The following KCNH1 variants were observed in gnomAD, a reference collection of about 807,000 sequenced individuals.
The protein encoded by KCNH1 is voltage-gated delayed rectifier potassium channel KCNH1.
A neutral mutation model predicts 69.2 loss-of-function variants in KCNH1; 27 were observed. The observed-to-expected ratio is 0.39, with a 90% CI of 0.29 to 0.54. KCNH1 has a LOEUF of 0.54. KCNH1 is among the 20% of genes least tolerant of loss of function. The pLI is 0.68. For synonymous variants in KCNH1, 456 were observed against 487.7 expected (o/e 0.93, Z 0.86); for missense variants, 798 against 1,261.6 (o/e 0.63, Z 5.57).
At chr1:211,095,944 C>A (rs1271586722) in intron 3 of KCNH1, among the ~76,000 whole-genome samples, 2 of 152,166 alleles carry the variant, frequency 1.3e-5, no homozygotes, top group African/African-American at 4.8e-5. Context: ...AGTTTAACTT[C>A]TCTCACCATC....
chr1:210,728,484 A>G (rs986785214), intron 10 of KCNH1, among the ~76,000 whole-genome samples: 1 of 152,174 alleles, frequency 6.6e-6, no homozygotes, highest in African/African-American at 2.4e-5. Context: ...ATTACCAAAC[A>G]TGACTTAGAA....
chr1:210,825,032 C>G (rs1171728353), intron 7 of KCNH1, among the ~76,000 whole-genome samples: 1 of 152,142 alleles, frequency 6.6e-6, no homozygotes, highest in Non-Finnish European at 1.5e-5. Context: ...AACAGTTTTT[C>G]ATCACTCTAA....
chr1:211,113,189 T>C (rs1033005874), intron 1 of KCNH1, among the ~76,000 whole-genome samples: 77 of 152,334 alleles, frequency 5.1e-4, no homozygotes, highest in African/African-American at 1.6e-3. Context: ...CCTGAGTCTC[T>C]GAGGATGCAC....
intron 6 of KCNH1, among the ~76,000 whole-genome samples, chr1:211,002,872 A>C (rs1367511070): frequency 6.6e-6 from 1 of 152,186 alleles, no homozygotes; most frequent in East Asian, 1.9e-4. Flanking sequence ...ATTCCGGAGC[A>C]AAGAGAATGT....
chr1:211,133,720 G>C lies in KCNH1; in HGVS notation c.79+147C>G. 1.6e-6 allele frequency: 1 copy of C among 632,248 alleles called. No homozygotes were observed. Among genetic ancestry groups the C allele is most frequent in the Non-Finnish European group, 2.8e-6 (1 of 354,582 alleles). 39.2% of individuals were successfully genotyped at this position (632,248 alleles called of 1,614,324 possible). On this transcript the variant is annotated intron_variant, in intron 1 of 10. Coordinates refer to ENST00000271751, the MANE Select transcript of KCNH1 (RefSeq NM_172362.3). This position sits in a 1 kb window ranked among gnomAD's most constrained non-coding sequence, Gnocchi z 5.4. Reference sequence around the variant, plus strand: ...CGCCCTGCCCACCTTTCTCTGCCTCGGGGAGGCTGCCCTGGGTGCCCGCGC... The same window carrying C: ...CGCCCTGCCCACCTTTCTCTGCCTCCGGGAGGCTGCCCTGGGTGCCCGCGC...
chr1:210,996,722 G>A (rs1200203967), intron 6 of KCNH1, among the ~76,000 whole-genome samples: 1 of 152,216 alleles, frequency 6.6e-6, no homozygotes, highest in East Asian at 1.9e-4. Context: ...AGCCTAACTG[G>A]GAGGCACCCC....
intron 3 of KCNH1, among the ~76,000 whole-genome samples, chr1:211,091,417 T>C (rs1313807742): frequency 6.6e-6 from 1 of 152,072 alleles, no homozygotes; most frequent in Non-Finnish European, 1.5e-5. Flanking sequence ...TCCACCCACC[T>C]TGGCCTCCCA....
intron 10 of KCNH1, among the ~76,000 whole-genome samples, chr1:210,718,705 C>G (rs1389062121): frequency 1.4e-5 from 2 of 146,100 alleles, no homozygotes; most frequent in African/African-American, 5.2e-5. Flanking sequence ...TATATATACA[C>G]ACTAAGTCTT....
At chr1:210,715,844 G>A (rs542032723) in intron 10 of KCNH1, among the ~76,000 whole-genome samples, 4 of 152,188 alleles carry the variant, frequency 2.6e-5, no homozygotes, top group South Asian at 4.1e-4. Context: ...AGGCAACCTC[G>A]GTGGAAGGTT....
intron 10 of KCNH1, among the ~76,000 whole-genome samples, chr1:210,718,651 T>TAC (rs57407331): frequency 0.051 from 3,834 of 75,496 alleles, 451 homozygotes; most frequent in Admixed American, 0.1. Context: ...CATATATATA[T>TAC]ACACACACAC....
At chr1:210,811,512 C>A (rs1684702432) in intron 7 of KCNH1, among the ~76,000 whole-genome samples, 1 of 152,142 alleles carries the variant, frequency 6.6e-6, no homozygotes, top group Non-Finnish European at 1.5e-5. Context: ...TGTTATCTCT[C>A]CTCTCATTCT....
At chr1:210,957,741 G>GC (rs1349570637) in intron 6 of KCNH1, among the ~76,000 whole-genome samples, 7 of 152,132 alleles carry the variant, frequency 4.6e-5, no homozygotes, top group South Asian at 2.1e-4. Context: ...TGCAACCCAT[G>GC]CTTTTTTTGC....
intron 7 of KCNH1, among the ~76,000 whole-genome samples, chr1:210,913,738 C>T (rs918950597): frequency 6.6e-6 from 1 of 152,194 alleles, no homozygotes; most frequent in Non-Finnish European, 1.5e-5. Flanking sequence ...TTGAGGCTGA[C>T]ACTACTGGTC....
intron 7 of KCNH1, among the ~76,000 whole-genome samples, chr1:210,853,325 A>G (rs747845679): frequency 2.0e-5 from 3 of 152,190 alleles, no homozygotes; most frequent in Non-Finnish European, 4.4e-5. Flanking sequence ...AAAATAACAG[A>G]AAGCCAGGTT....
At chr1:210,948,756 C>T (rs373798922) in intron 6 of KCNH1, among the ~76,000 whole-genome samples, 51 of 151,596 alleles carry the variant, frequency 3.4e-4, no homozygotes, top group African/African-American at 1.2e-3. Flanking sequence ...TGGCGTGAAC[C>T]CAGGAGGCAT....
intron 6 of KCNH1, among the ~76,000 whole-genome samples, chr1:210,947,352 G>A (rs11119637): frequency 0.46 from 70,031 of 151,656 alleles, 16,703 homozygotes; most frequent in African/African-American, 0.57. Flanking sequence ...GGCGGATCAC[G>A]AGGTCAGGAG....
chr1:210,871,476 T>C (rs1263302250), intron 7 of KCNH1, among the ~76,000 whole-genome samples: 1 of 152,190 alleles, frequency 6.6e-6, no homozygotes, highest in East Asian at 1.9e-4. Context: ...AGTTCAACCA[T>C]TGTGGAAGTC....
intron 5 of KCNH1, among the ~76,000 whole-genome samples, chr1:211,060,314 T>G (rs957468158): frequency 1.9e-4 from 27 of 143,792 alleles, no homozygotes; most frequent in Non-Finnish European, 1.0e-4. Flanking sequence ...TTATGATGCA[T>G]CTTATGAACC....
intron 6 of KCNH1, among the ~76,000 whole-genome samples, chr1:210,996,709 A>C (rs1689048334): frequency 6.6e-6 from 1 of 152,236 alleles, no homozygotes; most frequent in South Asian, 2.1e-4. Context: ...TTGACCCCTG[A>C]GCAGCCTAAC....
Sources: gnomAD v4.1 joint callset for allele counts (sites outside exome capture counted in the v4.1 genomes callset) on GRCh38, gnomAD v4.1.1 for gene constraint, Gnocchi (gnomAD v3.1) non-coding constraint, MANE v1.5 for transcripts, NCBI Gene and HGNC (gene_info 2026-07-23, HGNC 2026-07-21) for gene names.